The following STXBP5L variants were observed in gnomAD, a reference collection of about 807,000 sequenced individuals.
The protein encoded by STXBP5L is syntaxin-binding protein 5-like.
A neutral mutation model predicts 144.5 loss-of-function variants in STXBP5L; 65 were observed. That is an observed-to-expected ratio of 0.45 (90% CI 0.37 to 0.55). STXBP5L has a LOEUF of 0.55. STXBP5L is among the 20% of genes least tolerant of loss of function. The probability of loss-of-function intolerance (pLI) is 0.00; values close to 1 mark genes in which losing one functional copy is unlikely to be tolerated. For missense variants in STXBP5L, 1,298 were observed against 1,405.5 expected (o/e 0.92, Z 1.22); for synonymous variants, 505 against 469.6 (o/e 1.08, Z -0.97).
intron 19 of STXBP5L, among the ~76,000 whole-genome samples, chr3:121,296,138 T>G (rs1371224924): frequency 6.6e-6 from 1 of 152,222 alleles, no homozygotes; most frequent in Non-Finnish European, 1.5e-5. Context: ...GATGAATCAC[T>G]GTAAAAACCT....
intron 10 of STXBP5L, among the ~76,000 whole-genome samples, chr3:121,209,554 G>T (rs956841902): frequency 2.0e-5 from 3 of 151,924 alleles, no homozygotes; most frequent in African/African-American, 7.3e-5. Flanking sequence ...TTTACATTAG[G>T]TATATCTCCT....
chr3:121,032,594 T>G (rs1946450561), intron 3 of STXBP5L, among the ~76,000 whole-genome samples: 1 of 140,298 alleles, frequency 7.1e-6, no homozygotes, highest in Non-Finnish European at 1.5e-5. Flanking sequence ...ACTAAAGAGC[T>G]TCTGCACAGC....
chr3:121,406,447 A>C (rs566134509), intron 22 of STXBP5L, among the ~76,000 whole-genome samples: 2 of 152,234 alleles, frequency 1.3e-5, no homozygotes, highest in South Asian at 2.1e-4. Flanking sequence ...AAGGGCTAAT[A>C]GGGTACTGCT....
rs58899623 is a variant in STXBP5L at position 121,157,350 on chromosome 3, G to C, written c.754-154G>C. 3.3e-5 allele frequency among the ~76,000 whole-genome samples: 5 copies of C among 152,086 alleles called. 1 individual carries two copies. The highest frequency in any genetic ancestry group is 4.1e-4 in the South Asian group (2 of 4,826). On this transcript the variant is annotated intron_variant, in intron 8 of 26. Transcript: ENST00000471454. ...GAGGAAATAGGACTTCATCTTACCA[G>C]AAATTATAGTCTGATATGGGTCAGA...
At chr3:121,213,189 G>T (rs1057009017) in intron 10 of STXBP5L, among the ~76,000 whole-genome samples, 2 of 152,076 alleles carry the variant, frequency 1.3e-5, no homozygotes. Flanking sequence ...CTTTCTATTT[G>T]AATACCCTTT....
intron 5 of STXBP5L, among the ~76,000 whole-genome samples, chr3:121,058,455 T>G (rs1948604045): frequency 6.6e-6 from 1 of 152,246 alleles, no homozygotes. Flanking sequence ...TGTGTCTTTA[T>G]AGTAGAATAA....
chr3:120,987,609 C>T (rs765359222), intron 3 of STXBP5L, among the ~76,000 whole-genome samples: 5 of 151,744 alleles, frequency 3.3e-5, no homozygotes, highest in Non-Finnish European at 5.9e-5. Flanking sequence ...TCACAGAGGA[C>T]GGCTTATCAG....
intron 22 of STXBP5L, among the ~76,000 whole-genome samples, chr3:121,402,576 A>G (rs1442004999): frequency 6.6e-6 from 1 of 152,080 alleles, no homozygotes; most frequent in East Asian, 1.9e-4. Context: ...ATACTTATTC[A>G]GCTTAATCTC....
chr3:121,077,870 T>C (rs1028582685), intron 5 of STXBP5L, among the ~76,000 whole-genome samples: 16 of 152,044 alleles, frequency 1.1e-4, no homozygotes, highest in East Asian at 1.9e-4. Flanking sequence ...AGGGTGCTGA[T>C]TGGTGTGTTT....
intron 20 of STXBP5L, among the ~76,000 whole-genome samples, chr3:121,321,835 A>G (rs1485361411): frequency 6.6e-6 from 1 of 152,160 alleles, no homozygotes; most frequent in Non-Finnish European, 1.5e-5. Flanking sequence ...TAACTCTGAT[A>G]TTCTCCTTTT....
At chr3:121,082,343 A>T (rs1161885003) in intron 5 of STXBP5L, among the ~76,000 whole-genome samples, 1 of 151,872 alleles carries the variant, frequency 6.6e-6, no homozygotes, top group Non-Finnish European at 1.5e-5. Context: ...TTAGATCTAT[A>T]CCTATGTATT....
intron 5 of STXBP5L, among the ~76,000 whole-genome samples, chr3:121,102,819 A>T (rs545238171): frequency 6.6e-6 from 1 of 152,260 alleles, no homozygotes; most frequent in African/African-American, 2.4e-5. Flanking sequence ...AAGGTCAAAT[A>T]TCCAGGATCT....
chr3:121,191,101 G>A (rs982393398), intron 9 of STXBP5L, among the ~76,000 whole-genome samples: 30 of 152,158 alleles, frequency 2.0e-4, no homozygotes, highest in East Asian at 3.9e-4. Context: ...GACGATGGGC[G>A]GCCAGGCAGA....
chr3:121,017,058 A>G (rs187834370), intron 3 of STXBP5L, among the ~76,000 whole-genome samples: 32 of 152,312 alleles, frequency 2.1e-4, no homozygotes, highest in Middle Eastern at 3.4e-3. Flanking sequence ...AGCAAATCAA[A>G]TCCAACAATG....
chr3:121,111,980 G>A (rs1474655376), intron 5 of STXBP5L, among the ~76,000 whole-genome samples: 1 of 152,144 alleles, frequency 6.6e-6, no homozygotes, highest in East Asian at 1.9e-4. Flanking sequence ...AATGGGTCAG[G>A]GTCCAGCTTA....
intron 22 of STXBP5L, among the ~76,000 whole-genome samples, chr3:121,390,792 C>A (rs564758398): frequency 6.6e-6 from 1 of 152,144 alleles, no homozygotes; most frequent in East Asian, 1.9e-4. Context: ...GGTAACTCAA[C>A]CTTTCTCTCT....
intron 3 of STXBP5L, among the ~76,000 whole-genome samples, chr3:120,960,259 A>G (rs1404190006): frequency 6.6e-6 from 1 of 152,166 alleles, no homozygotes; most frequent in East Asian, 1.9e-4. Context: ...TCAGGAAACA[A>G]CAGGTGCTGG....
chr3:121,395,772 C>A (rs1450848181), intron 22 of STXBP5L, among the ~76,000 whole-genome samples: 1 of 152,186 alleles, frequency 6.6e-6, no homozygotes, highest in Admixed American at 6.5e-5. Context: ...GAGTGGTTGT[C>A]CCGCTTTCCT....
intron 5 of STXBP5L, among the ~76,000 whole-genome samples, chr3:121,047,522 G>A (rs1947601953): frequency 6.6e-6 from 1 of 152,160 alleles, no homozygotes; most frequent in African/African-American, 2.4e-5. Flanking sequence ...CTCGCTTTAT[G>A]AATCCGGGTA....
Sources: allele counts gnomAD v4.1 joint callset (sites outside exome capture counted in the v4.1 genomes callset), GRCh38; gene constraint gnomAD v4.1.1; transcripts MANE v1.5; gene names NCBI Gene and HGNC (gene_info 2026-07-23, HGNC 2026-07-21).